Variants in CGGBP1 observed in about 807,000 individuals in gnomAD.
The protein encoded by CGGBP1 is CGG triplet repeat-binding protein 1.
Under a neutral mutation model 11.4 loss-of-function variants are expected in CGGBP1, and 4 were observed. The ratio of observed to expected loss-of-function variants is 0.35; its 90% CI spans 0.17 to 0.80. The LOEUF is 0.80. Ranked by LOEUF, CGGBP1 falls within the 30% of genes least tolerant of loss-of-function variation. The pLI is 0.52. For synonymous variants in CGGBP1, 76 were observed against 74.1 expected (o/e 1.03, Z -0.13); for missense variants, 135 against 202.1 (o/e 0.67, Z 2.01).
At chr3:88,135,277 AATTT>A (rs1706706841) in intron 2 of CGGBP1, 1 of 1,204,476 alleles carries the variant, frequency 8.3e-7, no homozygotes, top group African/African-American at 1.6e-5. Context: ...CTTTTGATAA[AATTT>A]ATTTGATTTT....
chr3:88,072,969 AATT>A (rs1707598992), intron 2 of CGGBP1, among the ~76,000 whole-genome samples: 2 of 56,200 alleles, frequency 3.6e-5, no homozygotes, highest in Non-Finnish European at 1.1e-4. Context: ...CTCTTAAAAA[AATT>A]GTTAGTTTTA....
chr3:88,098,914 G>A (rs1333497174), intron 2 of CGGBP1, among the ~76,000 whole-genome samples: 1 of 152,128 alleles, frequency 6.6e-6, no homozygotes, highest in Non-Finnish European at 1.5e-5. Context: ...TATTCCCTTT[G>A]AAAGCTGGCA....
intron 2 of CGGBP1, among the ~76,000 whole-genome samples, chr3:88,111,694 G>A (rs1256772962): frequency 6.6e-6 from 1 of 151,794 alleles, no homozygotes; most frequent in Non-Finnish European, 1.5e-5. Context: ...TATATTTCGA[G>A]GATGAAATTT....
At chr3:88,060,129 A>G (rs1243214966), upstream of CGGBP1, among the ~76,000 whole-genome samples, 2 of 151,118 alleles carry the variant, frequency 1.3e-5, no homozygotes, top group Non-Finnish European at 3.0e-5. Flanking sequence ...TTTTTTTTTA[A>G]CCTCCTTCGG....
chr3:88,065,834 C>T lies in CGGBP1; in HGVS notation c.-228-7611G>A, dbSNP rs149401088. The stretch of plus-strand genomic sequence containing the variant: ...CTCCCTGTCCGGGGCTAAAGCGCTT[C>T]TCAGCACCCATCAGCCCCCACCCCC... On this transcript the variant is annotated intron_variant, in intron 2 of 3. Coordinates refer to the CGGBP1 transcript ENST00000462901. Among the ~76,000 whole-genome samples, 360 of 152,258 alleles carry T rather than the reference C, an allele frequency of 2.4e-3. 2 individuals carry two copies. Among genetic ancestry groups the T allele is most frequent in the African/African-American group, 8.3e-3 (345 of 41,560 alleles).
chr3:88,052,314 TG>T lies in CGGBP1; in HGVS notation c.*3158del, dbSNP rs1179483919. On this transcript the variant is annotated 3_prime_UTR_variant, in exon 4 of 4. Coordinates refer to ENST00000482016, the MANE Select transcript of CGGBP1 (RefSeq NM_001008390.2). ...AAAGCAATTTCTTTTAGGCTAAGAT[TG>T]GCAAAAAATCATAGACCCAATTTTC... 6.6e-6 allele frequency: 1 copy of T among 152,630 alleles called. No homozygotes were observed. The highest frequency in any genetic ancestry group is 1.5e-5 in the Non-Finnish European group (1 of 68,034). The allele number at this position is 152,630 out of a possible 1,614,324, so 9.5% of individuals were successfully genotyped here.
chr3:88,129,391 T>TA, intron 2 of CGGBP1, among the ~76,000 whole-genome samples: 1 of 147,980 alleles, frequency 6.8e-6, no homozygotes, highest in Middle Eastern at 3.6e-3. Flanking sequence ...GTACTAGAGG[T>TA]AAAATGCTCA....
chr3:88,069,380 CCGCTGCACTT>C (rs1421270557), intron 2 of CGGBP1, among the ~76,000 whole-genome samples: 4 of 152,162 alleles, frequency 2.6e-5, no homozygotes, highest in Admixed American at 6.6e-5. Context: ...CTAGATGGCG[CCGCTGCACTT>C]CAGCCTGGGT....
Position 88,055,869 on chromosome 3 carries a change from T to C in CGGBP1, c.108A>G (p.Glu36=). The change falls in exon 4 of 4, where the codon GAA becomes GAG. Residue 36 remains glutamate, a synonymous_variant. Coordinates refer to ENST00000482016, the MANE Select transcript of CGGBP1 (RefSeq NM_001008390.2). This position sits in a 1 kb window ranked among gnomAD's most constrained non-coding sequence, Gnocchi z 4.2. ...RVTEFGGELH[E]DGGKLFCTSC... is the part of the protein sequence containing the mutation. ...AAGTGCAGAAGAGTTTTCCTCCATC[T>C]TCATGCAGCTCACCTCCAAACTCAG... 1 of 1,614,188 alleles carries C rather than the reference T, an allele frequency of 6.2e-7. No individual in the cohort carries two copies. The highest frequency in any genetic ancestry group is 8.5e-7 in the Non-Finnish European group (1 of 1,180,024).
chr3:88,072,564 T>C (rs531165760), intron 2 of CGGBP1, among the ~76,000 whole-genome samples: 104 of 152,320 alleles, frequency 6.8e-4, no homozygotes, highest in Non-Finnish European at 3.1e-4. Flanking sequence ...TTGGATATTA[T>C]ATAGTTTGCT....
At chr3:88,061,763 G>A (rs1479626099), upstream of CGGBP1, among the ~76,000 whole-genome samples, 1 of 152,036 alleles carries the variant, frequency 6.6e-6, no homozygotes, top group Admixed American at 6.6e-5. Flanking sequence ...TTAAAAATTT[G>A]GTTTTCTGAC....
intron 2 of CGGBP1, among the ~76,000 whole-genome samples, chr3:88,130,763 C>T (rs1239786078): frequency 6.6e-6 from 1 of 151,652 alleles, no homozygotes; most frequent in East Asian, 1.9e-4. Flanking sequence ...TGGCCCTATT[C>T]TTGTTTTATA....
chr3:88,146,984 C>A (rs1175709356), intron 1 of CGGBP1, among the ~76,000 whole-genome samples: 1 of 152,144 alleles, frequency 6.6e-6, no homozygotes, highest in Non-Finnish European at 1.5e-5. Context: ...CTACCCTTAC[C>A]CTCCCCTTCA....
upstream of CGGBP1, among the ~76,000 whole-genome samples, chr3:88,062,724 A>G (rs1415504674): frequency 6.6e-6 from 1 of 152,214 alleles, no homozygotes; most frequent in Non-Finnish European, 1.5e-5. Context: ...TGTTGATTGA[A>G]ATATAATTTA....
chr3:88,100,157 G>A (rs1275942583), intron 2 of CGGBP1, among the ~76,000 whole-genome samples: 1 of 152,184 alleles, frequency 6.6e-6, no homozygotes, highest in Non-Finnish European at 1.5e-5. Flanking sequence ...ATCAGAAAGT[G>A]GGTGCCGGAT....
chr3:88,113,167 C>T (rs1427859796), intron 2 of CGGBP1: 4 of 1,533,698 alleles, frequency 2.6e-6, no homozygotes, highest in Non-Finnish European at 3.5e-6. Context: ...TTATGAAGAG[C>T]CCTTAAAGGA....
At chr3:88,131,394 T>C (rs1191022954) in intron 2 of CGGBP1, among the ~76,000 whole-genome samples, 1 of 152,206 alleles carries the variant, frequency 6.6e-6, no homozygotes, top group East Asian at 1.9e-4. Flanking sequence ...ACAGTTATAA[T>C]AGATCTTTTC....
chr3:88,109,059 G>A (rs1200070456), intron 2 of CGGBP1, among the ~76,000 whole-genome samples: 1 of 151,802 alleles, frequency 6.6e-6, no homozygotes, highest in Non-Finnish European at 1.5e-5. Flanking sequence ...GATGAAAATT[G>A]GGTTAGGTGC....
intron 2 of CGGBP1, among the ~76,000 whole-genome samples, chr3:88,088,583 A>G (rs1324091666): frequency 1.3e-5 from 2 of 152,262 alleles, no homozygotes; most frequent in African/African-American, 4.8e-5. Context: ...GAAGAAATCC[A>G]GAATGTAAAA....
Sources: allele counts gnomAD v4.1 joint callset (sites outside exome capture counted in the v4.1 genomes callset), GRCh38; gene constraint gnomAD v4.1.1; non-coding constraint Gnocchi (gnomAD v3.1); transcripts MANE v1.5; gene names NCBI Gene and HGNC (gene_info 2026-07-23, HGNC 2026-07-21).